Variants in PIK3R6 observed in about 807,000 individuals in gnomAD.
PIK3R6 encodes the protein phosphoinositide-3-kinase regulatory subunit 6.
PIK3R6 carries 91 observed loss-of-function variants against 84.9 expected under a neutral mutation model. The ratio of observed to expected loss-of-function variants is 1.07; its 90% CI spans 0.90 to 1.28. The LOEUF (loss-of-function observed/expected upper bound fraction) is 1.28, where lower values mean the gene tolerates loss of function less well. PIK3R6 is among the 50% of genes most tolerant of loss of function. The probability of loss-of-function intolerance (pLI) is 0.00; values close to 1 mark genes in which losing one functional copy is unlikely to be tolerated. For synonymous variants in PIK3R6, 416 were observed against 411.4 expected (o/e 1.01, Z -0.13); for missense variants, 996 against 985.1 (o/e 1.01, Z -0.15).
chr17:8,834,019 G>A (rs1337823354), intron 8 of PIK3R6, among the ~76,000 whole-genome samples: 1 of 151,738 alleles, frequency 6.6e-6, no homozygotes, highest in Non-Finnish European at 1.5e-5. Flanking sequence ...AGCTGGGTGT[G>A]GTGGCCGGCG....
chr17:8,819,019 G>T, intron 18 of PIK3R6, 64 bp downstream of exon 18: 1 of 1,283,704 alleles, frequency 7.8e-7, no homozygotes, highest in Non-Finnish European at 1.1e-6. Context: ...TCCCCTCTGG[G>T]CTCCCAGCCA....
At position 8,839,263 on chromosome 17, in the gene PIK3R6, G is replaced by A. The variant is rs980891188; in HGVS notation, c.97+351C>T. Among the ~76,000 whole-genome samples the A allele has an allele frequency of 6.6e-6, 1 of 152,070 alleles. No homozygotes were observed. The highest frequency in any genetic ancestry group is 1.5e-5 in the Non-Finnish European group (1 of 68,002). On this transcript the variant is annotated intron_variant, in intron 3 of 19. Coordinates refer to ENST00000619866, the MANE Select transcript of PIK3R6 (RefSeq NM_001010855.4). The surrounding 1 kb of genome is among the most constrained non-coding windows in gnomAD (Gnocchi z 4.2). ...CTTGGGAGGCTGAGGCAGGAGGATC[G>A]CTTGAACCAGGGAGGCAGAGGTTGT...
intron 13 of PIK3R6, among the ~76,000 whole-genome samples, chr17:8,824,533 G>C (rs187070642): frequency 6.6e-6 from 1 of 152,214 alleles, no homozygotes; most frequent in South Asian, 2.1e-4. Flanking sequence ...ACACTGAGGA[G>C]CTATGAACGT....
rs2089441971 is a variant in PIK3R6 at position 8,867,602 on chromosome 17, G to C, written c.-165C>G. 2 of 512,540 alleles carry C rather than the reference G, an allele frequency of 3.9e-6. No homozygotes were observed. Among genetic ancestry groups the C allele is most frequent in the African/African-American group, 3.9e-5 (2 of 51,820 alleles). The allele number at this position is 512,540 out of a possible 1,614,324, so 31.7% of individuals were successfully genotyped here. A position where few individuals can be genotyped will look rare whatever the true frequency, so the allele number is the denominator to read the frequency against. The stretch of plus-strand genomic sequence containing the variant: ...CCCACGGTCCTGAGCGAGGTCCCCA[G>C]TCCCAGAGAAGCAGATGTCTTGGGG... On this transcript the variant is annotated 5_prime_UTR_variant, in exon 1 of 20. Coordinates refer to ENST00000619866, the MANE Select transcript of PIK3R6 (RefSeq NM_001010855.4).
At chr17:8,829,353 CTG>C (rs2088101351) in intron 10 of PIK3R6, among the ~76,000 whole-genome samples, 1 of 138,598 alleles carries the variant, frequency 7.2e-6, no homozygotes, top group Non-Finnish European at 1.6e-5. Context: ...CACAGACACA[CTG>C]ACACACACAC....
At chr17:8,847,802 C>CAAA (rs34223097) in intron 2 of PIK3R6, among the ~76,000 whole-genome samples, 190 of 138,422 alleles carry the variant, frequency 1.4e-3, no homozygotes, top group Admixed American at 3.8e-3. Flanking sequence ...GACTCTGTCT[C>CAAA]AAAAAAAAAA....
At position 8,862,676 on chromosome 17, in the gene PIK3R6, A is replaced by T. The variant is rs968098274; in HGVS notation, c.-92+4853T>A. ...AAGGTACTGACCAATCAAACATGCC[A>T]TGAGCATGTTTTAGATGAGCATGTC... On this transcript the variant is annotated intron_variant, in intron 1 of 19. Transcript: ENST00000619866. The surrounding 1 kb of genome is among the most constrained non-coding windows in gnomAD (Gnocchi z 4.3). Among the ~76,000 whole-genome samples, 2 of 152,184 alleles carry T rather than the reference A, an allele frequency of 1.3e-5. No homozygotes were observed. Among genetic ancestry groups the T allele is most frequent in the Non-Finnish European group, 2.9e-5 (2 of 68,022 alleles).
rs1285084190 is a variant in PIK3R6 at position 8,867,513 on chromosome 17, C to T, written c.-92+16G>A. ...GATCTGCCTGCCTGGCGATCTCCAT[C>T]CAAGCCAGCACTTACCTTGGTTCGG... On this transcript the variant is annotated intron_variant, in intron 1 of 19. Coordinates refer to ENST00000619866, the MANE Select transcript of PIK3R6 (RefSeq NM_001010855.4). The T allele has an allele frequency of 2.3e-6, 1 of 441,890 alleles. No individual in the cohort carries two copies. The highest frequency in any genetic ancestry group is 4.6e-6 in the Non-Finnish European group (1 of 217,114). The allele number at this position is 441,890 out of a possible 1,614,324, so 27.4% of individuals were successfully genotyped here. A position where few individuals can be genotyped will look rare whatever the true frequency, so the allele number is the denominator to read the frequency against.
At chr17:8,822,862 A>G (rs937675161) in intron 15 of PIK3R6, 134 bp downstream of exon 15, 2 of 964,840 alleles carry the variant, frequency 2.1e-6, no homozygotes, top group African/African-American at 3.3e-5. Context: ...GGCATTCAGC[A>G]GAGGTAGGGA....
chr17:8,829,542 A>G (rs2088137920), intron 10 of PIK3R6, among the ~76,000 whole-genome samples, 164 bp downstream of exon 10: 1 of 150,456 alleles, frequency 6.6e-6, no homozygotes, highest in Admixed American at 6.6e-5. Flanking sequence ...ACACGCATGC[A>G]CACAGACACA....
intron 1 of PIK3R6, among the ~76,000 whole-genome samples, chr17:8,852,425 A>C (rs1268678022): frequency 6.6e-6 from 1 of 152,202 alleles, no homozygotes; most frequent in Non-Finnish European, 1.5e-5. Flanking sequence ...CCTACTGACA[A>C]TCATAGAAAT....
At chr17:8,852,485 A>G (rs1457922792) in intron 1 of PIK3R6, among the ~76,000 whole-genome samples, 1 of 152,196 alleles carries the variant, frequency 6.6e-6, no homozygotes, top group Non-Finnish European at 1.5e-5. Flanking sequence ...CACACCTGTA[A>G]TCCCAGCACT....
chr17:8,856,355 A>G (rs942411326), intron 1 of PIK3R6, among the ~76,000 whole-genome samples: 3 of 152,204 alleles, frequency 2.0e-5, no homozygotes, highest in African/African-American at 7.2e-5. Flanking sequence ...TAATCCCAAC[A>G]CTTTGGGATG....
intron 2 of PIK3R6, among the ~76,000 whole-genome samples, chr17:8,848,370 T>C (rs2088860372): frequency 6.6e-6 from 1 of 152,224 alleles, no homozygotes; most frequent in Non-Finnish European, 1.5e-5. Context: ...AATACCTTGA[T>C]GTGTCACTTA....
intron 1 of PIK3R6, among the ~76,000 whole-genome samples, chr17:8,854,639 G>A (rs926428569): frequency 6.6e-6 from 1 of 152,120 alleles, no homozygotes; most frequent in Non-Finnish European, 1.5e-5. Context: ...ATTGATCATC[G>A]ATATGCAAAA....
intron 3 of PIK3R6, among the ~76,000 whole-genome samples, 173 bp from the exon 4 acceptor site, chr17:8,838,828 G>C (rs545571209): frequency 5.9e-5 from 9 of 152,354 alleles, no homozygotes; most frequent in African/African-American, 2.2e-4. Flanking sequence ...CCTCCCAAGT[G>C]GGGAGTTCTA....
chr17:8,822,905 G>T (rs182459662), intron 15 of PIK3R6, 91 bp downstream of exon 15: 9 of 1,127,316 alleles, frequency 8.0e-6, no homozygotes, highest in Non-Finnish European at 1.2e-5. Context: ...GGGTGTGGGC[G>T]TGCAGGCATC....
chr17:8,804,715 C>T (rs542507154), intron 18 of PIK3R6, among the ~76,000 whole-genome samples: 41 of 152,286 alleles, frequency 2.7e-4, no homozygotes, highest in African/African-American at 9.4e-4. Context: ...GGTCGCCTCC[C>T]ATTGGGCAGA....
chr17:8,850,313 A>G (rs1051040869), intron 1 of PIK3R6, among the ~76,000 whole-genome samples: 23 of 151,798 alleles, frequency 1.5e-4, no homozygotes, highest in African/African-American at 3.1e-4. Context: ...AAAAAAAAAA[A>G]AAAGAAAGAA....
Sources: allele counts gnomAD v4.1 joint callset (sites outside exome capture counted in the v4.1 genomes callset), GRCh38; gene constraint gnomAD v4.1.1; non-coding constraint Gnocchi (gnomAD v3.1); transcripts MANE v1.5; gene names NCBI Gene and HGNC (gene_info 2026-07-23, HGNC 2026-07-21).